The following TMEM178B variants were observed in gnomAD, a reference collection of about 807,000 sequenced individuals.
The protein encoded by TMEM178B is transmembrane protein 178B.
In TMEM178B, 5 loss-of-function variants were observed where a neutral mutation model predicts 31.0. The observed-to-expected ratio is 0.16, with a 90% CI of 0.08 to 0.34. TMEM178B has a LOEUF of 0.34. Ranked by LOEUF, TMEM178B falls within the 10% of genes least tolerant of loss-of-function variation. The pLI is 1.00. For synonymous variants in TMEM178B, 164 were observed against 164.0 expected (o/e 1.00, Z 0.00); for missense variants, 275 against 400.3 (o/e 0.69, Z 2.67).
At chr7:141,256,235 A>G (rs1427956513) in intron 2 of TMEM178B, among the ~76,000 whole-genome samples, 2 of 152,260 alleles carry the variant, frequency 1.3e-5, no homozygotes, top group Admixed American at 6.5e-5. Flanking sequence ...GAAGACCATA[A>G]ACAAGTAAAC....
Position 141,461,820 on chromosome 7 carries a change from ACT to A in TMEM178B, c.635-8713_635-8712del, listed in dbSNP as rs1424899480. Among the ~76,000 whole-genome samples the A allele has an allele frequency of 2.0e-5, 3 of 152,296 alleles. No individual in the cohort carries two copies. Among genetic ancestry groups the A allele is most frequent in the Non-Finnish European group, 2.9e-5 (2 of 68,022 alleles). ...AGCTGAGCAGGGAGTTGGCTCCGTA[ACT>A]CTGCATATCAACTCAGAAATATTTT... On this transcript the variant is annotated intron_variant, in intron 3 of 3. Coordinates refer to ENST00000565468, the MANE Select transcript of TMEM178B (RefSeq NM_001195278.2). The surrounding 1 kb of genome is among the most constrained non-coding windows in gnomAD (Gnocchi z 4.0).
At chr7:141,354,908 C>G (rs555246097) in intron 2 of TMEM178B, among the ~76,000 whole-genome samples, 2 of 152,194 alleles carry the variant, frequency 1.3e-5, no homozygotes, top group East Asian at 1.9e-4. Context: ...TTTTGAATAT[C>G]CTGTTTAGCA....
At chr7:141,293,721 G>A (rs1409131608) in intron 2 of TMEM178B, among the ~76,000 whole-genome samples, 1 of 152,182 alleles carries the variant, frequency 6.6e-6, no homozygotes, top group Non-Finnish European at 1.5e-5. Context: ...TCTCTAATTT[G>A]TTATTGGGAG....
At chr7:141,457,717 G>T (rs1321680724) in intron 3 of TMEM178B, among the ~76,000 whole-genome samples, 1 of 152,178 alleles carries the variant, frequency 6.6e-6, no homozygotes, top group Non-Finnish European at 1.5e-5. Context: ...CTTACAAAAG[G>T]TCCCCAACTT....
chr7:141,252,855 T>C (rs976416296), intron 2 of TMEM178B, among the ~76,000 whole-genome samples: 2 of 152,228 alleles, frequency 1.3e-5, no homozygotes, highest in Non-Finnish European at 2.9e-5. Flanking sequence ...AGTCTAGGGC[T>C]CTTTACTGGC....
At chr7:141,082,906 T>C (rs1034473051) in intron 1 of TMEM178B, among the ~76,000 whole-genome samples, 23 of 152,342 alleles carry the variant, frequency 1.5e-4, no homozygotes, top group African/African-American at 5.5e-4. Context: ...GTCTAGAGCC[T>C]TTTTTTCTGT....
Position 141,225,814 on chromosome 7 carries a change from T to C in TMEM178B, c.496+13110T>C, listed in dbSNP as rs797003262. Among the ~76,000 whole-genome samples, 5 of 152,274 alleles carry C rather than the reference T, an allele frequency of 3.3e-5. 1 individual carries two copies. The highest frequency in any genetic ancestry group is 1.2e-4 in the African/African-American group (5 of 41,550). On this transcript the variant is annotated intron_variant, in intron 2 of 3. Transcript: ENST00000565468. ...TGATACAAGATCGATGTTTGCCCCT[T>C]GATGTGCCCTGTGTAGGCTTGTATG...
intron 1 of TMEM178B, among the ~76,000 whole-genome samples, chr7:141,194,672 A>T (rs188367782): frequency 9.9e-4 from 150 of 152,220 alleles, no homozygotes; most frequent in African/African-American, 3.1e-3. Context: ...GTTCTGGAGG[A>T]TGGTGGCCCT....
intron 1 of TMEM178B, among the ~76,000 whole-genome samples, chr7:141,110,960 A>G (rs1795225455): frequency 6.6e-6 from 1 of 152,190 alleles, no homozygotes; most frequent in African/African-American, 2.4e-5. Context: ...TTCACCAGAA[A>G]CCAAATGCTG....
chr7:141,231,313 G>A (rs78445057), intron 2 of TMEM178B, among the ~76,000 whole-genome samples: 8,137 of 143,346 alleles, frequency 0.057, 294 homozygotes, highest in East Asian at 0.14. Context: ...CTCAAGAGAA[G>A]AAAAAAAAAA....
At chr7:141,196,630 C>G (rs560129968) in intron 1 of TMEM178B, among the ~76,000 whole-genome samples, 81 of 152,250 alleles carry the variant, frequency 5.3e-4, no homozygotes, top group African/African-American at 1.8e-3. Flanking sequence ...TTTAACTAAC[C>G]CATATAACCC....
intron 2 of TMEM178B, among the ~76,000 whole-genome samples, chr7:141,278,785 C>T (rs532456966): frequency 3.3e-5 from 5 of 151,966 alleles, no homozygotes; most frequent in South Asian, 4.2e-4. Context: ...TACTGAGGTC[C>T]GTCTAGTTAG....
intron 2 of TMEM178B, among the ~76,000 whole-genome samples, chr7:141,400,768 G>A (rs1001168136): frequency 2.0e-5 from 3 of 152,236 alleles, no homozygotes; most frequent in African/African-American, 7.2e-5. Flanking sequence ...GGGCCTTGAG[G>A]TGTGAGTAGT....
chr7:141,213,691 A>C (rs777178087), intron 2 of TMEM178B, among the ~76,000 whole-genome samples: 1 of 152,246 alleles, frequency 6.6e-6, no homozygotes, highest in Non-Finnish European at 1.5e-5. Context: ...TTTTTCGTCG[A>C]TTAGGCCCAC....
chr7:141,096,871 C>G (rs1329110105), intron 1 of TMEM178B, among the ~76,000 whole-genome samples: 1 of 152,004 alleles, frequency 6.6e-6, no homozygotes, highest in Admixed American at 6.6e-5. Context: ...AAGGATCACT[C>G]GAGCCCAGGA....
chr7:141,305,301 G>A (rs974536077), intron 2 of TMEM178B, among the ~76,000 whole-genome samples: 3 of 152,066 alleles, frequency 2.0e-5, no homozygotes, highest in African/African-American at 7.2e-5. Flanking sequence ...CACATTCTGG[G>A]GGCTGAGCAC....
Position 141,080,726 on chromosome 7 carries a change from A to G in TMEM178B, c.382+6034A>G, listed in dbSNP as rs572739274. The stretch of plus-strand genomic sequence containing the variant: ...TCTGCCCTTACGAAGCGCAAAGGGG[A>G]AGAATGACAAGTAAGGCAAAAATGA... On this transcript the variant is annotated intron_variant, in intron 1 of 3. Coordinates refer to ENST00000565468, the MANE Select transcript of TMEM178B (RefSeq NM_001195278.2). 3.3e-5 allele frequency among the ~76,000 whole-genome samples: 5 copies of G among 152,332 alleles called. No individual in the cohort carries two copies. In the South Asian group the frequency reaches 1.0e-3, roughly 32 times the overall value.
At chr7:141,110,932 C>T (rs1191055586) in intron 1 of TMEM178B, among the ~76,000 whole-genome samples, 1 of 152,176 alleles carries the variant, frequency 6.6e-6, no homozygotes, top group Admixed American at 6.5e-5. Flanking sequence ...AAGCCAGCTA[C>T]AAGCCAAGAA....
intron 1 of TMEM178B, among the ~76,000 whole-genome samples, chr7:141,100,055 G>A (rs571320741): frequency 2.0e-5 from 3 of 152,176 alleles, no homozygotes; most frequent in East Asian, 1.9e-4. Flanking sequence ...TCCTGACCTC[G>A]TGATCCGCCC....
Sources: gnomAD v4.1 joint callset for allele counts (sites outside exome capture counted in the v4.1 genomes callset) on GRCh38, gnomAD v4.1.1 for gene constraint, Gnocchi (gnomAD v3.1) non-coding constraint, MANE v1.5 for transcripts, NCBI Gene and HGNC (gene_info 2026-07-23, HGNC 2026-07-21) for gene names.